The following RBM5 variants were observed in gnomAD, a reference collection of about 807,000 sequenced individuals.
RBM5 encodes the protein RNA-binding protein 5.
In RBM5, 15 loss-of-function variants were observed where a neutral mutation model predicts 124.6. That is an observed-to-expected ratio of 0.12 (90% CI 0.08 to 0.19). The LOEUF (loss-of-function observed/expected upper bound fraction) is 0.19. Ranked by LOEUF, RBM5 falls within the 10% of genes least tolerant of loss-of-function variation. RBM5 has a pLI of 1.00. For synonymous variants in RBM5, 337 were observed against 361.2 expected (o/e 0.93, Z 0.76); for missense variants, 580 against 1,026.5 (o/e 0.57, Z 5.94).
chr3:50,118,953 T>A lies in RBM5; in HGVS notation c.*497T>A, dbSNP rs1208754978. On this transcript the variant is annotated 3_prime_UTR_variant, in exon 25 of 25. Coordinates refer to ENST00000347869, the MANE Select transcript of RBM5 (RefSeq NM_005778.4). ...CTGGCTCCTTTACAAAAGAAATACC[T>A]TGAGAAATGGGTGTCCTGTGTCTCT... is the stretch of plus-strand genomic sequence containing the variant. 2 of 154,164 alleles carry A rather than the reference T, an allele frequency of 1.3e-5. No homozygotes were observed. Among genetic ancestry groups the A allele is most frequent in the Admixed American group, 1.3e-4 (2 of 15,612 alleles). The allele number at this position is 154,164 out of a possible 1,614,324, so 9.5% of individuals were successfully genotyped here.
At chr3:50,104,594 G>A (rs1181080717) in intron 8 of RBM5, 9 of 374,050 alleles carry the variant, frequency 2.4e-5, no homozygotes, top group Middle Eastern at 8.0e-4. Context: ...AGTGAGCTAT[G>A]GTCATACCAC....
At chr3:50,101,053 C>G (rs147602741) in intron 6 of RBM5, 55 of 154,272 alleles carry the variant, frequency 3.6e-4, no homozygotes, top group Middle Eastern at 3.3e-3. Flanking sequence ...ACTGCTCAGA[C>G]CGGTCTTCAG....
chr3:50,112,991 G>GTGTGCC (rs1485872790), intron 17 of RBM5: 2 of 155,426 alleles, frequency 1.3e-5, no homozygotes, highest in African/African-American at 4.8e-5. Flanking sequence ...GAGTAGCTGG[G>GTGTGCC]ATTACAGGTG....
rs2091232289 is a variant in RBM5, at chr3:50,115,558, C to T, written c.1970C>T (p.Pro657Leu). The change falls in exon 21 of 25, where the codon CCG becomes CTG. Residue 657 changes from proline (P) to leucine (L), a missense_variant. Transcript: ENST00000347869. ...TGTCTGCTCTGCCGGCGCCAGTTCCCGAACAAAGATGCCCTAGTCAGGCAC... is the reference window on the plus strand; with the variant it reads ...TGTCTGCTCTGCCGGCGCCAGTTCCTGAACAAAGATGCCCTAGTCAGGCAC... ...MACLLCRRQF[P>L]NKDALVRHQQ... is the part of the protein sequence containing the mutation. 8.1e-6 allele frequency: 13 copies of T among 1,613,428 alleles called. No individual in the cohort carries two copies. The highest frequency in any genetic ancestry group is 1.0e-5 in the Non-Finnish European group (12 of 1,179,866).
chr3:50,103,173 A>G lies in RBM5; in HGVS notation c.567+7A>G. 1 of 1,595,516 alleles carries G rather than the reference A, an allele frequency of 6.3e-7. No individual in the cohort carries two copies. The highest frequency in any genetic ancestry group is 8.6e-7 in the Non-Finnish European group (1 of 1,163,348). Reference sequence around the variant, plus strand: ...AGATTGGCTTTGTAACAAGGTAAGCATATGTTCTTCCCAAATAGACAAAAC... The same window carrying G: ...AGATTGGCTTTGTAACAAGGTAAGCGTATGTTCTTCCCAAATAGACAAAAC... On this transcript the variant is annotated splice_region_variant and intron_variant, in intron 7 of 24. Coordinates refer to ENST00000347869, the MANE Select transcript of RBM5 (RefSeq NM_005778.4).
intron 22 of RBM5, chr3:50,116,476 G>C (rs1417334255): frequency 5.8e-6 from 1 of 171,538 alleles, no homozygotes; most frequent in African/African-American, 2.4e-5. Context: ...GGTTGGGGCA[G>C]GTTGGCGGCC....
chr3:50,114,574 C>T, intron 20 of RBM5: 1 of 283,878 alleles, frequency 3.5e-6, no homozygotes, highest in Non-Finnish European at 6.5e-6. Flanking sequence ...AGATACTGGT[C>T]TGGGTGGGCC....
intron 10 of RBM5, among the ~76,000 whole-genome samples, chr3:50,106,371 C>T (rs937318669): frequency 6.6e-6 from 1 of 151,962 alleles, no homozygotes; most frequent in African/African-American, 2.4e-5. Context: ...TGATCACCAC[C>T]TCTGCCTCCC....
chr3:50,105,344 G>A (rs1172134245), intron 9 of RBM5, among the ~76,000 whole-genome samples: 2 of 151,876 alleles, frequency 1.3e-5, no homozygotes, highest in Non-Finnish European at 2.9e-5. Context: ...GGAAATTTCT[G>A]TTCTCCTACC....
chr3:50,094,811 T>C (rs960746047), intron 4 of RBM5, among the ~76,000 whole-genome samples: 3 of 152,332 alleles, frequency 2.0e-5, no homozygotes, highest in Non-Finnish European at 2.9e-5. Context: ...TTTCAAATTT[T>C]TGGATTAGGG....
At chr3:50,108,678 G>T (rs1575326553) in intron 14 of RBM5, among the ~76,000 whole-genome samples, 2 of 151,902 alleles carry the variant, frequency 1.3e-5, no homozygotes, top group African/African-American at 4.8e-5. Flanking sequence ...CTGCACTCCA[G>T]CCTGGGCGAC....
chr3:50,091,717 T>G (rs1294188935), intron 2 of RBM5, among the ~76,000 whole-genome samples: 1 of 152,218 alleles, frequency 6.6e-6, no homozygotes, highest in Non-Finnish European at 1.5e-5. Context: ...AAGATCTGAA[T>G]CAGGGATGAA....
At chr3:50,113,259 G>T (rs779981458) in intron 17 of RBM5, 124 bp from the exon 18 acceptor site, 66 of 948,422 alleles carry the variant, frequency 7.0e-5, no homozygotes, top group Non-Finnish European at 9.4e-5. Context: ...GTGTGCCCAG[G>T]GTCTTTTCTG....
At chr3:50,109,869 A>G (rs2091110524) in intron 15 of RBM5, 181 bp downstream of exon 15, 2 of 513,260 alleles carry the variant, frequency 3.9e-6, no homozygotes, top group Non-Finnish European at 6.8e-6. Flanking sequence ...TATTTTAAAT[A>G]TAAAATTTCA....
At position 50,110,589 on chromosome 3, in the gene RBM5, A is replaced by G. The variant is rs542840143; in HGVS notation, c.1364-90A>G. On this transcript the variant is annotated intron_variant, in intron 16 of 24. Transcript: ENST00000347869. ...TGGGGATGTGAGACAGAGAAGAAAC[A>G]TTAGGCCTGCTGCATCTCACTGGCT... The G allele has an allele frequency of 3.3e-5, 47 of 1,440,064 alleles. No homozygotes were observed. In the African/African-American group the frequency reaches 6.5e-4, roughly 20 times the overall value. The allele number at this position is 1,440,064 out of a possible 1,614,324, so 89.2% of individuals were successfully genotyped here. A position where few individuals can be genotyped will look rare whatever the true frequency, so the allele number is the denominator to read the frequency against.
chr3:50,112,595 T>G (rs1349035443), intron 17 of RBM5: 1 of 152,494 alleles, frequency 6.6e-6, no homozygotes, highest in African/African-American at 2.4e-5. Flanking sequence ...CTTGGGTCCC[T>G]TCACCAACAC....
intron 4 of RBM5, among the ~76,000 whole-genome samples, chr3:50,096,566 G>C (rs2090819832): frequency 1.3e-5 from 2 of 151,982 alleles, no homozygotes; most frequent in African/African-American, 4.8e-5. Context: ...AAAGGAAATT[G>C]TTACTAGTGG....
At chr3:50,104,159 C>G in intron 7 of RBM5, 89 bp from the exon 8 acceptor site, 1 of 1,068,146 alleles carries the variant, frequency 9.4e-7, no homozygotes, top group Non-Finnish European at 1.4e-6. Flanking sequence ...CTGTTAGTTA[C>G]TGGGACCTAC....
In RBM5 at chr3:50,092,242, C is replaced by T. The variant is rs377377279; in HGVS notation, c.183+34C>T. 5.4e-5 allele frequency: 87 copies of T among 1,599,292 alleles called. 2 individuals carry two copies. The South Asian group carries it at 8.5e-4, about 16-fold the overall frequency. ...CCAGCGGCTGTATAACCCCCCAAAA[C>T]ACTCTGAGCCTTATAGTAATAGAAA... is the stretch of plus-strand genomic sequence containing the variant. On this transcript the variant is annotated intron_variant, in intron 3 of 24. Transcript: ENST00000347869.
Sources: allele counts gnomAD v4.1 joint callset (sites outside exome capture counted in the v4.1 genomes callset), GRCh38; gene constraint gnomAD v4.1.1; transcripts MANE v1.5; gene names NCBI Gene and HGNC (gene_info 2026-07-23, HGNC 2026-07-21).